Variants in ACYP2 observed in about 807,000 individuals in gnomAD.
ACYP2 encodes acylphosphatase-2.
In ACYP2, 12 loss-of-function variants were observed where a neutral mutation model predicts 11.2. The observed-to-expected ratio is 1.08, with a 90% CI of 0.69 to 1.74. ACYP2 has a LOEUF of 1.74. Ranked by LOEUF, ACYP2 falls within the 40% of genes most tolerant of loss-of-function variation. ACYP2 has a pLI of 0.00. For missense variants in ACYP2, 134 were observed against 101.9 expected (o/e 1.31, Z -1.35); for synonymous variants, 43 against 32.2 (o/e 1.33, Z -1.13).
At chr2:53,979,140 A>G (rs1671631364) in intron 2 of ACYP2, among the ~76,000 whole-genome samples, 1 of 152,038 alleles carries the variant, frequency 6.6e-6, no homozygotes, top group Non-Finnish European at 1.5e-5. Flanking sequence ...ATTATAGAAG[A>G]TGAAAGCTCC....
chr2:54,144,541 GTA>G (rs1681795011), intron 6 of ACYP2, among the ~76,000 whole-genome samples: 2 of 151,898 alleles, frequency 1.3e-5, no homozygotes, highest in Non-Finnish European at 2.9e-5. Context: ...AGGCGTGGTG[GTA>G]CACACCTGTA....
chr2:54,222,734 C>T (rs1685851732), intron 6 of ACYP2, among the ~76,000 whole-genome samples: 1 of 152,058 alleles, frequency 6.6e-6, no homozygotes, highest in African/African-American at 2.4e-5. Context: ...GCTGTCCGTA[C>T]AATTTCTACT....
At chr2:54,292,669 TACACACACACAC>T (rs3071218) in intron 6 of ACYP2, among the ~76,000 whole-genome samples, 4,286 of 148,796 alleles carry the variant, frequency 0.029, 112 homozygotes, top group African/African-American at 0.067. Context: ...TATATATGTA[TACACACACACAC>T]ACACACACAC....
At chr2:54,201,636 C>CTCTTTCTTTTTCTTTCTT (rs1684809199) in intron 6 of ACYP2, among the ~76,000 whole-genome samples, 1 of 93,662 alleles carries the variant, frequency 1.1e-5, no homozygotes, top group Non-Finnish European at 2.1e-5. Flanking sequence ...TTCTTTCTTT[C>CTCTTTCTTTTTCTTTCTT]TCTTTCTTTC....
At chr2:54,028,043 A>G (rs12613999) in intron 2 of ACYP2, among the ~76,000 whole-genome samples, 12,201 of 151,824 alleles carry the variant, frequency 0.08, 649 homozygotes, top group East Asian at 0.27. Context: ...GGGTTTCACC[A>G]TGTTGACCAG....
At chr2:54,018,039 A>G (rs147780293) in intron 2 of ACYP2, among the ~76,000 whole-genome samples, 106 of 152,134 alleles carry the variant, frequency 7.0e-4, no homozygotes, top group Non-Finnish European at 1.0e-3. Context: ...TCTCCCCTCC[A>G]TTAGATCTGA....
intron 6 of ACYP2, among the ~76,000 whole-genome samples, chr2:54,260,613 G>C (rs1353737259): frequency 6.6e-6 from 1 of 152,304 alleles, no homozygotes; most frequent in South Asian, 2.1e-4. Context: ...GGAAGATTCA[G>C]GGTACTGAAG....
At chr2:54,001,523 A>G (rs1170679528) in intron 2 of ACYP2, among the ~76,000 whole-genome samples, 1 of 152,080 alleles carries the variant, frequency 6.6e-6, no homozygotes, top group African/African-American at 2.4e-5. Flanking sequence ...CCTCCCAAGT[A>G]GCTGGGATTA....
At chr2:54,110,899 A>G (rs968628374) in intron 4 of ACYP2, among the ~76,000 whole-genome samples, 2 of 152,040 alleles carry the variant, frequency 1.3e-5, no homozygotes, top group Non-Finnish European at 2.9e-5. Context: ...AGATGTCTGA[A>G]AAATGACTGC....
At chr2:54,123,514 G>C (rs1170740455) in intron 4 of ACYP2, 1 of 397,988 alleles carries the variant, frequency 2.5e-6, no homozygotes, top group African/African-American at 2.1e-5. Context: ...ATATACAGTA[G>C]TTTTTAGTAT....
At chr2:54,088,164 C>G (rs956429634) in intron 4 of ACYP2, among the ~76,000 whole-genome samples, 1 of 152,146 alleles carries the variant, frequency 6.6e-6, no homozygotes, top group East Asian at 1.9e-4. Context: ...GAGCCAAAAG[C>G]GTGTTGCTAG....
intron 2 of ACYP2, among the ~76,000 whole-genome samples, chr2:54,038,987 G>A (rs1675068843): frequency 6.6e-6 from 1 of 151,812 alleles, no homozygotes; most frequent in African/African-American, 2.4e-5. Context: ...GTGAGTGAAT[G>A]AGTGAGTCAT....
chr2:54,256,272 C>G, intron 6 of ACYP2: 1 of 1,100,074 alleles, frequency 9.1e-7, no homozygotes, highest in Non-Finnish European at 1.3e-6. Flanking sequence ...TCTTCAGTCT[C>G]GCGACACCCA....
chr2:53,996,315 G>A (rs1340636074), intron 2 of ACYP2, among the ~76,000 whole-genome samples: 1 of 152,110 alleles, frequency 6.6e-6, no homozygotes, highest in Non-Finnish European at 1.5e-5. Context: ...TGTAGGGGGT[G>A]GAATGGTGAT....
rs572043421 is a variant in ACYP2, at chr2:53,998,826, A to G, written c.62+25016A>G. Among the ~76,000 whole-genome samples the G allele has an allele frequency of 3.3e-5, 5 of 152,138 alleles. No individual in the cohort carries two copies. In the East Asian group the frequency reaches 7.7e-4, roughly 24 times the overall value. Reference sequence around the variant, plus strand: ...GTTTAAAAAAAAAGAAAAGAAAAAAATTTCCCTTCTAATGCAAACTCAAGT... The same window carrying G: ...GTTTAAAAAAAAAGAAAAGAAAAAAGTTTCCCTTCTAATGCAAACTCAAGT... On this transcript the variant is annotated intron_variant, in intron 2 of 6. Transcript: ENST00000607452.
intron 4 of ACYP2, among the ~76,000 whole-genome samples, chr2:54,107,807 C>A (rs1679246722): frequency 6.6e-6 from 1 of 152,174 alleles, no homozygotes; most frequent in Non-Finnish European, 1.5e-5. Flanking sequence ...AGATAGAGAT[C>A]CACTTTGAGG....
intron 3 of ACYP2, among the ~76,000 whole-genome samples, chr2:54,055,922 A>T (rs900322198): frequency 6.6e-6 from 1 of 152,186 alleles, no homozygotes. Flanking sequence ...CTCCATAGAC[A>T]TACTGTAATA....
chr2:54,180,002 A>C (rs1683636898), intron 6 of ACYP2, among the ~76,000 whole-genome samples: 1 of 152,126 alleles, frequency 6.6e-6, no homozygotes, highest in African/African-American at 2.4e-5. Context: ...CTTCTGACCA[A>C]CTGACTGGCT....
At chr2:54,167,068 A>G (rs866325838) in intron 6 of ACYP2, 7 of 151,638 alleles carry the variant, frequency 4.6e-5, no homozygotes, top group Admixed American at 2.0e-4. Flanking sequence ...GCTACTGGTA[A>G]TCCATAGGAC....
Sources: allele counts gnomAD v4.1 joint callset (sites outside exome capture counted in the v4.1 genomes callset), GRCh38; gene constraint gnomAD v4.1.1; transcripts MANE v1.5; gene names NCBI Gene and HGNC (gene_info 2026-07-23, HGNC 2026-07-21).